Variants in CEACAM20 observed in about 807,000 individuals in gnomAD.
The protein encoded by CEACAM20 is CEA cell adhesion molecule 20.
In CEACAM20, 50 loss-of-function variants were observed where a neutral mutation model predicts 61.2. The observed-to-expected ratio is 0.82, with a 90% CI of 0.65 to 1.03. CEACAM20 has a LOEUF of 1.03. Ranked by LOEUF, CEACAM20 falls within the 50% of genes least tolerant of loss-of-function variation. The pLI, the probability that CEACAM20 is intolerant of heterozygous loss-of-function variation, is 0.00. For missense variants in CEACAM20, 683 were observed against 736.4 expected, an observed-to-expected ratio of 0.93 and a Z score of 0.84; for synonymous variants, 282 against 287.7, an observed-to-expected ratio of 0.98 and a Z score of 0.20.
chr19:44,516,043 AATTATT>A (rs1425692201), intron 6 of CEACAM20, among the ~76,000 whole-genome samples: 1 of 152,228 alleles, frequency 6.6e-6, no homozygotes, highest in Non-Finnish European at 1.5e-5. Flanking sequence ...AAATAGGCAG[AATTATT>A]ATGTTTTACA....
At chr19:44,506,867 CTG>C (rs1970833851) in intron 11 of CEACAM20, among the ~76,000 whole-genome samples, 1 of 152,250 alleles carries the variant, frequency 6.6e-6, no homozygotes, top group Non-Finnish European at 1.5e-5. Context: ...CCCACAGAAA[CTG>C]TGAGATAATG....
In CEACAM20 at chr19:44,522,891, A is replaced by G. The variant is rs769997966; in HGVS notation, c.494T>C (p.Ile165Thr). The G allele has an allele frequency of 1.9e-6, 3 of 1,605,368 alleles. No individual in the cohort carries two copies. The African/African-American group carries it at 4.0e-5, about 21-fold the overall frequency. ...ACTGGCAACACCAGACTCCAATTTG[A>G]TTTCAACAGGATCAGGACCATCTGA... ...DVKYGPDPVEIKLESGVASGE... is the reference protein window; with the variant it reads ...DVKYGPDPVETKLESGVASGE... The change falls in exon 4 of 12, where the codon ATC becomes ACC. Residue 165 changes from isoleucine to threonine, a missense_variant. Physicochemically the swap from Ile to Thr is moderately conservative, Grantham distance 89 (BLOSUM62 -1). Coordinates refer to ENST00000614924, the MANE Select transcript of CEACAM20 (RefSeq NM_001102597.3).
intron 6 of CEACAM20, among the ~76,000 whole-genome samples, chr19:44,515,989 C>A (rs1971143198): frequency 6.6e-6 from 1 of 152,060 alleles, no homozygotes; most frequent in African/African-American, 2.4e-5. Context: ...CCAAGCACTG[C>A]CCTAAGAACT....
intron 1 of CEACAM20, among the ~76,000 whole-genome samples, chr19:44,528,522 G>A (rs1454001068): frequency 6.6e-6 from 1 of 151,832 alleles, no homozygotes; most frequent in African/African-American, 2.4e-5. Flanking sequence ...CTGTGCCTGG[G>A]CCCCACTGGT....
chr19:44,514,757 C>T (rs1971105448), intron 6 of CEACAM20, among the ~76,000 whole-genome samples: 1 of 152,112 alleles, frequency 6.6e-6, no homozygotes, highest in Non-Finnish European at 1.5e-5. Context: ...CCATGCCTGG[C>T]CGCATCTCCA....
chr19:44,522,862 C>T lies in CEACAM20; in HGVS notation c.523G>A (p.Glu175Lys). ...IKLESGVASG[E>K]VVEVMEGSSM... Reference sequence around the variant, plus strand: ...GAGCCCTCCATCACCTCAACCACCTCCCCACTGGCAACACCAGACTCCAAT... The same window carrying T: ...GAGCCCTCCATCACCTCAACCACCTTCCCACTGGCAACACCAGACTCCAAT... The change falls in exon 4 of 12, where the codon GAG (glutamate) becomes AAG (lysine). Residue 175 changes from glutamate (E) to lysine (K), a missense_variant. Transcript: ENST00000614924. The T allele has an allele frequency of 6.2e-7, 1 of 1,609,548 alleles. No individual in the cohort carries two copies. Among genetic ancestry groups the T allele is most frequent in the Non-Finnish European group, 8.5e-7 (1 of 1,178,224 alleles).
chr19:44,516,949 C>T lies in CEACAM20; in HGVS notation c.1306G>A (p.Val436Ile). The stretch of plus-strand genomic sequence containing the variant: ...AAGGCGACCCTGAGAGACTCACCTA[C>T]CACCTTGACCAGGACTGAAGTGGAG... The part of the protein sequence containing the change: ...ARSTSVLVKV[V>I]GPQSSSLSSG... Residue 436 changes from valine (V) to isoleucine (I), a missense_variant, in exon 6 of 12, where the codon GTA becomes ATA. By Grantham distance (29) the Val-to-Ile change is conservative. Coordinates refer to ENST00000614924, the MANE Select transcript of CEACAM20 (RefSeq NM_001102597.3). 3 of 1,595,582 alleles carry T rather than the reference C, an allele frequency of 1.9e-6. No homozygotes were observed. The highest frequency in any genetic ancestry group is 2.6e-6 in the Non-Finnish European group (3 of 1,171,608).
chr19:44,513,849 G>C (rs912073688), intron 6 of CEACAM20, among the ~76,000 whole-genome samples: 2 of 152,148 alleles, frequency 1.3e-5, no homozygotes, highest in African/African-American at 4.8e-5. Context: ...CTAGGCTTCA[G>C]TTGTCTCTTT....
In CEACAM20 at chr19:44,506,225, AAG is replaced by A. The variant is rs759619913; in HGVS notation, c.1738-13_1738-12del. 3 of 1,613,326 alleles carry A rather than the reference AAG, an allele frequency of 1.9e-6. No homozygotes were observed. The South Asian group carries it at 3.3e-5, about 18-fold the overall frequency. ...TGGATTCACAAGCTCCTGTTAAACA[AAG>A]AGAAAATGTGAGCTCCATTTGCTAG... On this transcript the variant is annotated splice_polypyrimidine_tract_variant and intron_variant, in intron 11 of 11. Transcript: ENST00000614924.
chr19:44,513,436 G>GTTTTT, intron 6 of CEACAM20, 147 bp from the exon 7 acceptor site: 1 of 471,692 alleles, frequency 2.1e-6, no homozygotes, highest in Non-Finnish European at 3.7e-6. Context: ...TGTGGTTTTT[G>GTTTTT]GTTTTGCTTT....
intron 3 of CEACAM20, among the ~76,000 whole-genome samples, chr19:44,523,441 GAATGAATA>G (rs1250682413): frequency 6.8e-6 from 1 of 147,044 alleles, no homozygotes. Context: ...ATGAATGAAT[GAATGAATA>G]AAGTGAGCCA....
chr19:44,513,457 T>TC (rs1357249633), intron 6 of CEACAM20, among the ~76,000 whole-genome samples, 168 bp from the exon 7 acceptor site: 1 of 149,918 alleles, frequency 6.7e-6, no homozygotes, highest in African/African-American at 2.5e-5. Context: ...TTTTTTTTTT[T>TC]TTTTCAGACA....
chr19:44,525,793 G>T (rs1000114362), intron 1 of CEACAM20, among the ~76,000 whole-genome samples: 1 of 152,164 alleles, frequency 6.6e-6, no homozygotes, highest in Non-Finnish European at 1.5e-5. Flanking sequence ...TGTAAAATGG[G>T]CATACTATCA....
intron 1 of CEACAM20, among the ~76,000 whole-genome samples, chr19:44,527,359 C>T (rs1364634406): frequency 6.6e-6 from 1 of 152,166 alleles, no homozygotes; most frequent in African/African-American, 2.4e-5. Context: ...AGGTTAGGCT[C>T]ACAGCCTCAG....
intron 1 of CEACAM20, among the ~76,000 whole-genome samples, chr19:44,528,004 CTG>C (rs1424648598): frequency 6.6e-6 from 1 of 152,114 alleles, no homozygotes; most frequent in East Asian, 1.9e-4. Flanking sequence ...GTCTGAATCT[CTG>C]TGATACTCCA....
intron 3 of CEACAM20, 87 bp from the exon 4 acceptor site, chr19:44,522,999 T>G: frequency 1.8e-6 from 2 of 1,139,554 alleles, no homozygotes; most frequent in South Asian, 3.0e-5. Context: ...ATAAATACTT[T>G]ATTTCCCTCC....
chr19:44,523,945 G>A lies in CEACAM20; in HGVS notation c.472+41C>T, dbSNP rs1434453998. On this transcript the variant is annotated intron_variant, in intron 3 of 11. Transcript: ENST00000614924. ...AGACTGAACGAGGCACTAAGCAAGT[G>A]AGTGTCAGTGAGGGGTTGGAGAGAA... 9.9e-6 allele frequency: 15 copies of A among 1,520,306 alleles called. No individual in the cohort carries two copies. In the Admixed American group the frequency reaches 2.4e-4, roughly 24 times the overall value. The allele number at this position is 1,520,306 out of a possible 1,614,324, so 94.2% of individuals were successfully genotyped here.
chr19:44,525,568 A>T (rs141476345), intron 1 of CEACAM20, among the ~76,000 whole-genome samples: 1 of 152,202 alleles, frequency 6.6e-6, no homozygotes, highest in African/African-American at 2.4e-5. Flanking sequence ...TCAGCCTCCC[A>T]AGTAGCCAGG....
At chr19:44,512,818 C>T (rs1307153937) in intron 8 of CEACAM20, 50 bp downstream of exon 8, 3 of 1,505,634 alleles carry the variant, frequency 2.0e-6, no homozygotes, top group South Asian at 2.3e-5. Context: ...CCAGCCTCTT[C>T]CCCAGCCCTC....
Sources: gnomAD v4.1 joint callset for allele counts (sites outside exome capture counted in the v4.1 genomes callset) on GRCh38, gnomAD v4.1.1 for gene constraint, MANE v1.5 for transcripts, NCBI Gene and HGNC (gene_info 2026-07-23, HGNC 2026-07-21) for gene names.